The following OPCML variants were observed in gnomAD, a reference collection of about 807,000 sequenced individuals.
OPCML encodes opioid binding protein/cell adhesion molecule like.
A neutral mutation model predicts 37.8 loss-of-function variants in OPCML; 13 were observed. The ratio of observed to expected loss-of-function variants is 0.34; its 90% CI spans 0.22 to 0.55. The LOEUF (loss-of-function observed/expected upper bound fraction) is 0.55, where lower values mean the gene tolerates loss of function less well. Among genes scored for constraint, OPCML ranks in the 20% least tolerant of loss-of-function variants. The pLI is 0.91. For synonymous variants in OPCML, 176 were observed against 168.8 expected (o/e 1.04, Z -0.33); for missense variants, 341 against 435.6 (o/e 0.78, Z 1.93).
chr11:132,654,676 C>A (rs1941612195), intron 3 of OPCML, among the ~76,000 whole-genome samples: 2 of 151,718 alleles, frequency 1.3e-5, no homozygotes, highest in African/African-American at 4.8e-5. Context: ...AGAGAATGTC[C>A]TCCCCAAAGG....
chr11:132,916,938 T>C (rs1379008874), intron 2 of OPCML, among the ~76,000 whole-genome samples: 4 of 152,070 alleles, frequency 2.6e-5, no homozygotes, highest in African/African-American at 9.7e-5. Context: ...GTCTTCCCCT[T>C]CCTATTTTAT....
chr11:133,433,414 C>G (rs2136921344), intron 1 of OPCML, among the ~76,000 whole-genome samples: 1 of 152,202 alleles, frequency 6.6e-6, no homozygotes, highest in Non-Finnish European at 1.5e-5. Flanking sequence ...AGTTCCTTTT[C>G]TACACTATAC....
intron 1 of OPCML, among the ~76,000 whole-genome samples, chr11:133,209,007 A>G (rs903078321): frequency 2.6e-5 from 4 of 152,302 alleles, no homozygotes; most frequent in Admixed American, 1.3e-4. Flanking sequence ...TCACATGACC[A>G]ATTCCTATTG....
intron 4 of OPCML, among the ~76,000 whole-genome samples, chr11:132,451,307 C>T (rs777906069): frequency 3.1e-4 from 44 of 141,914 alleles, no homozygotes; most frequent in Non-Finnish European, 5.0e-4. Context: ...AGTTATTAAT[C>T]GGGTATTAAC....
At chr11:133,433,124 A>C (rs1197224093) in intron 1 of OPCML, among the ~76,000 whole-genome samples, 2 of 152,086 alleles carry the variant, frequency 1.3e-5, no homozygotes, top group Non-Finnish European at 2.9e-5. Flanking sequence ...TCATATTTCT[A>C]CGAAGTTTTA....
At chr11:133,350,000 G>A (rs1944094300) in intron 1 of OPCML, among the ~76,000 whole-genome samples, 1 of 152,190 alleles carries the variant, frequency 6.6e-6, no homozygotes, top group Non-Finnish European at 1.5e-5. Flanking sequence ...ATGAAGCAGT[G>A]AATACCATCG....
intron 1 of OPCML, among the ~76,000 whole-genome samples, chr11:133,152,698 C>A (rs943223916): frequency 1.3e-5 from 2 of 152,000 alleles, no homozygotes; most frequent in Non-Finnish European, 2.9e-5. Flanking sequence ...CTAATTGATG[C>A]GTGGGACTAC....
chr11:132,549,800 T>G (rs373247455), intron 3 of OPCML, among the ~76,000 whole-genome samples: 154 of 152,302 alleles, frequency 1.0e-3, no homozygotes, highest in African/African-American at 3.6e-3. Context: ...CCATGTGCTA[T>G]ATAAACATCA....
intron 4 of OPCML, among the ~76,000 whole-genome samples, chr11:132,457,581 T>G (rs1469099365): frequency 6.6e-6 from 1 of 152,106 alleles, no homozygotes; most frequent in East Asian, 1.9e-4. Context: ...ACAGCAAACC[T>G]TAATAAGGAC....
intron 1 of OPCML, among the ~76,000 whole-genome samples, chr11:133,114,498 C>T (rs894372304): frequency 6.6e-6 from 1 of 152,178 alleles, no homozygotes. Context: ...CTGTCTTCTT[C>T]CATTGCCTCT....
At chr11:133,412,887 G>T (rs527828068) in intron 1 of OPCML, among the ~76,000 whole-genome samples, 2 of 152,152 alleles carry the variant, frequency 1.3e-5, no homozygotes, top group East Asian at 1.9e-4. Context: ...ATTGTGAAAA[G>T]ACTGTTTTTC....
chr11:132,811,153 A>C (rs978412147), intron 2 of OPCML, among the ~76,000 whole-genome samples: 1 of 152,142 alleles, frequency 6.6e-6, no homozygotes, highest in African/African-American at 2.4e-5. Context: ...AGGGCCCCCA[A>C]AATATTAATT....
At chr11:133,218,411 ACTT>A (rs937520052) in intron 1 of OPCML, among the ~76,000 whole-genome samples, 1 of 152,172 alleles carries the variant, frequency 6.6e-6, no homozygotes, top group African/African-American at 2.4e-5. Flanking sequence ...GCCAGGGAAG[ACTT>A]CTTTGGTTCG....
In OPCML at chr11:133,440,814, G is replaced by GTA. The variant is rs71477798; in HGVS notation, c.61+91448_61+91449dup. The stretch of plus-strand genomic sequence containing the variant: ...TGTGTGTGTGTGTGAGTGTGTATGT[G>GTA]TATATATATATATATAAATCATATA... On this transcript the variant is annotated intron_variant, in intron 1 of 7. Transcript: ENST00000524381. Among the ~76,000 whole-genome samples the GTA allele has an allele frequency of 1.9e-3, 260 of 138,290 alleles. 1 individual carries two copies. The highest frequency in any genetic ancestry group is 0.012 in the South Asian group (53 of 4,396). The allele number at this position is 138,290 out of a possible 152,430, so 90.7% of individuals were successfully genotyped here.
intron 1 of OPCML, among the ~76,000 whole-genome samples, chr11:133,082,582 C>CCCCCTTCCCCTCCTCCCCTCCTCATT (rs1948747497): frequency 9.5e-6 from 1 of 104,870 alleles, no homozygotes; most frequent in Non-Finnish European, 2.1e-5. Flanking sequence ...TCCTCCTCAT[C>CCCCCTTCCCCTCCTCCCCTCCTCATT]CTCTCCTCCC....
Position 133,133,854 on chromosome 11 carries a change from A to G in OPCML, c.62-190844T>C, listed in dbSNP as rs531514044. On this transcript the variant is annotated intron_variant, in intron 1 of 7. Transcript: ENST00000524381. ...AGCAGAACTCATTCATTCGGGGGGG[A>G]AAAAGCCTAGGTTGCAATGACTTTA... is the stretch of plus-strand genomic sequence containing the variant. Among the ~76,000 whole-genome samples, 90 of 152,190 alleles carry G rather than the reference A, an allele frequency of 5.9e-4. 1 individual carries two copies. Among genetic ancestry groups the G allele is most frequent in the South Asian group, 8.3e-4 (4 of 4,820 alleles).
intron 1 of OPCML, among the ~76,000 whole-genome samples, chr11:133,140,138 G>A (rs1011493475): frequency 6.7e-6 from 1 of 150,292 alleles, no homozygotes; most frequent in Non-Finnish European, 1.5e-5. Context: ...AGTGAGCCGA[G>A]ATCGCACCAC....
At chr11:132,820,023 G>A (rs572313514) in intron 2 of OPCML, among the ~76,000 whole-genome samples, 19 of 152,064 alleles carry the variant, frequency 1.2e-4, no homozygotes, top group Non-Finnish European at 2.6e-4. Flanking sequence ...CTCTGGAAAC[G>A]TCAGAGGGTC....
At chr11:133,163,975 TC>T (rs1474420855) in intron 1 of OPCML, among the ~76,000 whole-genome samples, 1 of 152,136 alleles carries the variant, frequency 6.6e-6, no homozygotes, top group Non-Finnish European at 1.5e-5. Flanking sequence ...AGATTGTCCC[TC>T]CCCCTCTACC....
Sources: gnomAD v4.1 joint callset for allele counts (sites outside exome capture counted in the v4.1 genomes callset) on GRCh38, gnomAD v4.1.1 for gene constraint, MANE v1.5 for transcripts, NCBI Gene and HGNC (gene_info 2026-07-23, HGNC 2026-07-21) for gene names.